The following BIRC6 variants were observed in gnomAD, a reference collection of about 807,000 sequenced individuals.
BIRC6 encodes baculoviral IAP repeat containing 6.
Under a neutral mutation model 503.3 loss-of-function variants are expected in BIRC6, and 98 were observed. That is an observed-to-expected ratio of 0.19 (90% CI 0.17 to 0.23). The LOEUF is 0.23. Among genes scored for constraint, BIRC6 ranks in the 10% least tolerant of loss-of-function variants. The pLI is 1.00. For synonymous variants in BIRC6, 2,240 were observed against 2,078.7 expected, an observed-to-expected ratio of 1.08 and a Z score of -2.11; for missense variants, 5,360 against 5,806.0, an observed-to-expected ratio of 0.92 and a Z score of 2.50.
rs577531819 is a variant in BIRC6 at position 32,607,752 on chromosome 2, T to C, written c.14259+109T>C. The C allele has an allele frequency of 1.5e-5, 13 of 882,368 alleles. No homozygotes were observed. In the African/African-American group the frequency reaches 2.0e-4, roughly 14 times the overall value. 54.7% of individuals were successfully genotyped at this position (882,368 alleles called of 1,614,324 possible). On this transcript the variant is annotated intron_variant, in intron 72 of 73. Coordinates refer to ENST00000421745, the MANE Select transcript of BIRC6 (RefSeq NM_016252.4). ...CAGCACTTTGGGAGGTCAAGGCAGG[T>C]GGATCACTTCAGGTCAGGAGTCTGA... is the stretch of plus-strand genomic sequence containing the variant.
At chr2:32,451,090 A>T (rs2046670282) in intron 22 of BIRC6, among the ~76,000 whole-genome samples, 2 of 152,220 alleles carry the variant, frequency 1.3e-5, no homozygotes, top group African/African-American at 4.8e-5. Flanking sequence ...CATAGCTTTC[A>T]CACTGGTCTG....
intron 45 of BIRC6, among the ~76,000 whole-genome samples, chr2:32,494,967 T>A (rs981508866): frequency 1.1e-4 from 16 of 152,342 alleles, no homozygotes; most frequent in African/African-American, 2.2e-4. Flanking sequence ...GCCACTTTTT[T>A]ATCTAATTTT....
chr2:32,440,678 AAGTG>A (rs1458705146), intron 16 of BIRC6, among the ~76,000 whole-genome samples: 3 of 151,990 alleles, frequency 2.0e-5, no homozygotes, highest in African/African-American at 7.2e-5. Context: ...TAAATACTGA[AAGTG>A]AGTGAACCTT....
chr2:32,410,891 G>A (rs1390688780), intron 9 of BIRC6, among the ~76,000 whole-genome samples: 6 of 151,916 alleles, frequency 3.9e-5, no homozygotes, highest in African/African-American at 1.2e-4. Flanking sequence ...TAGTAGAGAC[G>A]GGGTTTCGCT....
rs138977188 is a variant in BIRC6 at position 32,575,103 on chromosome 2, A to G, written c.13145-53A>G. On this transcript the variant is annotated intron_variant, in intron 65 of 73. Coordinates refer to ENST00000421745, the MANE Select transcript of BIRC6 (RefSeq NM_016252.4). ...GTAAAAGCTACATTCCTGTGGACCT[A>G]CTTTTATATTGTACATTTGCTCATT... The G allele has an allele frequency of 7.3e-5, 114 of 1,570,366 alleles. 1 individual carries two copies. In the African/African-American group the frequency reaches 1.2e-3, roughly 16 times the overall value.
intron 64 of BIRC6, among the ~76,000 whole-genome samples, chr2:32,548,364 A>ATTTTTTT (rs1491147471): frequency 1.5e-5 from 1 of 68,048 alleles, no homozygotes; most frequent in Non-Finnish European, 3.1e-5. Context: ...TTGGTTGCTT[A>ATTTTTTT]CTTTTTTTTT....
At chr2:32,439,105 AC>A (rs1213255094) in intron 15 of BIRC6, among the ~76,000 whole-genome samples, 1 of 152,194 alleles carries the variant, frequency 6.6e-6, no homozygotes, top group Non-Finnish European at 1.5e-5. Flanking sequence ...GGATGTGTGT[AC>A]ATGTATGCAT....
At position 32,518,301 on chromosome 2, in the gene BIRC6, A is replaced by G. The variant is rs1356601259; in HGVS notation, c.11397A>G (p.Pro3799=). 1 of 1,612,874 alleles carries G rather than the reference A, an allele frequency of 6.2e-7. No homozygotes were observed. The highest frequency in any genetic ancestry group is 1.7e-5 in the Admixed American group (1 of 59,844). The change falls in exon 56 of 74, where the codon CCA becomes CCG. Residue 3799 remains proline (P), a synonymous_variant. Coordinates refer to ENST00000421745, the MANE Select transcript of BIRC6 (RefSeq NM_016252.4). ...FQTSPQRGNL[P]TSGNISGFIR... is the part of the protein sequence containing the mutation. ...CATCTCCTCAAAGAGGGAACCTTCC[A>G]ACATCTGGGAACATTTCAGGGTTTA...
intron 3 of BIRC6, among the ~76,000 whole-genome samples, chr2:32,384,124 C>A (rs1163677962): frequency 6.6e-6 from 1 of 152,088 alleles, no homozygotes; most frequent in Non-Finnish European, 1.5e-5. Flanking sequence ...GGGAGTAAGA[C>A]CTGTAGAGCT....
Position 32,415,575 on chromosome 2 carries a change from C to A in BIRC6, c.2284C>A (p.Gln762Lys). The A allele has an allele frequency of 6.2e-7, 1 of 1,613,888 alleles. No individual in the cohort carries two copies. The highest frequency in any genetic ancestry group is 1.1e-5 in the South Asian group (1 of 91,070). The change falls in exon 10 of 74, where the codon CAA (glutamine) becomes AAA (lysine). Residue 762 changes from glutamine (Q) to lysine (K), a missense_variant. Transcript: ENST00000421745. ...TGTTGAATCCTTGAGTGCAATAAAT[C>A]AAGTAGAGGCCTTGAATAATTTAAA... Reference protein sequence around the residue: ...CPVESLSAINQVEALNNLNKL... With the variant: ...CPVESLSAINKVEALNNLNKL...
intron 62 of BIRC6, among the ~76,000 whole-genome samples, chr2:32,545,139 C>T (rs970583673): frequency 6.6e-6 from 1 of 152,046 alleles, no homozygotes; most frequent in Non-Finnish European, 1.5e-5. Context: ...TGATATCTCT[C>T]TCTCTAATAA....
Position 32,476,326 on chromosome 2 carries a change from A to G in BIRC6, c.6834A>G (p.Leu2278=), listed in dbSNP as rs1241701548. The G allele has an allele frequency of 3.2e-6, 5 of 1,577,904 alleles. No individual in the cohort carries two copies. In the Admixed American group the frequency reaches 5.5e-5, roughly 17 times the overall value. Residue 2278 remains leucine, a synonymous_variant, in exon 34 of 74, where the codon CTA becomes CTG. Transcript: ENST00000421745. ...AACTCCTGGTAGAACAAGCAAAACT[A>G]AAGCAGGCCACTTCAAAGGTATGAT... ...SYKLLVEQAK[L]KQATSKHFKD... is the part of the protein sequence containing the mutation.
At chr2:32,391,908 T>C in intron 4 of BIRC6, 131 bp from the exon 5 acceptor site, 1 of 588,694 alleles carries the variant, frequency 1.7e-6, no homozygotes. Context: ...AAGTAAAAAA[T>C]TGAACTTGTT....
At position 32,480,621 on chromosome 2, in the gene BIRC6, CTTTTTTTTTTTTTTTTT is replaced by C. The variant is rs560251664; in HGVS notation, c.7409-678_7409-662del. Among the ~76,000 whole-genome samples the C allele has an allele frequency of 1.5e-3, 94 of 60,738 alleles. No individual in the cohort carries two copies. In the East Asian group the frequency reaches 0.02, roughly 13 times the overall value. 39.8% of individuals were successfully genotyped at this position (60,738 alleles called of 152,430 possible). A position where few individuals can be genotyped will look rare whatever the true frequency, so the allele number is the denominator to read the frequency against. On this transcript the variant is annotated intron_variant, in intron 37 of 73. Coordinates refer to ENST00000421745, the MANE Select transcript of BIRC6 (RefSeq NM_016252.4). ...CATAACAGAAAAATAAGGTAAATGG[CTTTTTTTTTTTTTTTTT>C]TTTTTTTTTTTTTTTTTTTTGAGAC... is the stretch of plus-strand genomic sequence containing the variant.
chr2:32,585,875 A>G (rs546648883), intron 66 of BIRC6, among the ~76,000 whole-genome samples: 13 of 152,346 alleles, frequency 8.5e-5, no homozygotes, highest in Non-Finnish European at 1.8e-4. Flanking sequence ...TGAATTGCTT[A>G]GGTATATATT....
intron 15 of BIRC6, 77 bp from the exon 16 acceptor site, chr2:32,439,425 GTTGATC>G (rs2045149297): frequency 1.5e-6 from 2 of 1,327,906 alleles, no homozygotes; most frequent in East Asian, 4.7e-5. Context: ...GGAGTTAGTT[GTTGATC>G]TTGTTCTATG....
At chr2:32,463,669 G>T (rs2048234003) in intron 24 of BIRC6, among the ~76,000 whole-genome samples, 1 of 152,176 alleles carries the variant, frequency 6.6e-6, no homozygotes, top group South Asian at 2.1e-4. Context: ...ACAGTTACTA[G>T]TTACTATTTA....
intron 9 of BIRC6, 40 bp from the exon 10 acceptor site, chr2:32,414,729 G>A (rs1406303589): frequency 3.4e-6 from 5 of 1,474,848 alleles, no homozygotes; most frequent in South Asian, 1.2e-5. Context: ...CTGACTGGAT[G>A]AGTAGAAACA....
chr2:32,551,986 C>T (rs114752100), intron 65 of BIRC6, among the ~76,000 whole-genome samples: 3 of 152,218 alleles, frequency 2.0e-5, no homozygotes, highest in Non-Finnish European at 4.4e-5. Flanking sequence ...TATAAAAAAA[C>T]GCAGGCCTAA....
Sources: allele counts gnomAD v4.1 joint callset (sites outside exome capture counted in the v4.1 genomes callset), GRCh38; gene constraint gnomAD v4.1.1; transcripts MANE v1.5; gene names NCBI Gene and HGNC (gene_info 2026-07-23, HGNC 2026-07-21).